BPIFB2: variants seen among roughly 807,000 people sequenced by gnomAD.
BPIFB2 encodes the protein BPI fold containing family B member 2.
BPIFB2 carries 39 observed loss-of-function variants against 50.1 expected under a neutral mutation model. The ratio of observed to expected loss-of-function variants is 0.78; its 90% CI spans 0.60 to 1.02. The LOEUF (loss-of-function observed/expected upper bound fraction) is 1.02, where lower values mean the gene tolerates loss of function less well. Ranked by LOEUF, BPIFB2 falls within the 50% of genes least tolerant of loss-of-function variation. The pLI is 0.00. For missense variants in BPIFB2, 574 were observed against 585.8 expected (o/e 0.98, Z 0.21); for synonymous variants, 280 against 256.3 (o/e 1.09, Z -0.88).
At chr20:33,020,421 A>T (rs568801263) in intron 12 of BPIFB2, 26 bp downstream of exon 12, 1 of 1,612,522 alleles carries the variant, frequency 6.2e-7, no homozygotes, top group East Asian at 2.2e-5. Context: ...TGGACCCAGC[A>T]GCCTCAGTGT....
chr20:33,011,848 G>A (rs760742436), intron 3 of BPIFB2, among the ~76,000 whole-genome samples: 5 of 152,068 alleles, frequency 3.3e-5, no homozygotes, highest in Non-Finnish European at 4.4e-5. Context: ...GAGTGGTGGC[G>A]TGTGCCTGTA....
intron 2 of BPIFB2, 102 bp from the exon 3 acceptor site, chr20:33,010,922 A>G: frequency 9.9e-7 from 1 of 1,012,116 alleles, no homozygotes; most frequent in Non-Finnish European, 1.5e-6. Context: ...TTCCAGTCTG[A>G]GTACCCTCTG....
At chr20:33,011,551 C>G (rs1990288508) in intron 3 of BPIFB2, among the ~76,000 whole-genome samples, 1 of 152,230 alleles carries the variant, frequency 6.6e-6, no homozygotes, top group Non-Finnish European at 1.5e-5. Context: ...GCATCCCAAA[C>G]TTAGACACCC....
Position 33,021,816 on chromosome 20 carries a change from G to A in BPIFB2, c.1335+17G>A, listed in dbSNP as rs1568980173. ...GTCTATGAGGTGAGAGCCTTTGGGT[G>A]TGACCAGAGGGGCCTCCTTCACTCA... On this transcript the variant is annotated intron_variant, in intron 15 of 15. Coordinates refer to ENST00000170150, the MANE Select transcript of BPIFB2 (RefSeq NM_025227.3). 6.2e-7 allele frequency: 1 copy of A among 1,607,870 alleles called. No individual in the cohort carries two copies.
Position 33,019,676 on chromosome 20 carries a change from C to A in BPIFB2, c.1006C>A (p.Arg336=), listed in dbSNP as rs144321606. 360 of 1,612,300 alleles carry A rather than the reference C, an allele frequency of 2.2e-4. No homozygotes were observed. In the Middle Eastern group the frequency reaches 2.5e-3, roughly 11 times the overall value. The change falls in exon 11 of 16, where the codon CGG becomes AGG. Residue 336 remains arginine, a synonymous_variant. Transcript: ENST00000170150. The part of the protein sequence containing the change: ...AMLHTNNATL[R]LQPFVEVLAT... ...GCTCCACACAAACAACGCCACCCTG[C>A]GGCTGCAGCCCTTCGTGGAGGTCCT...
chr20:33,020,257 T>C (rs1326401979), intron 11 of BPIFB2, 71 bp from the exon 12 acceptor site: 11 of 1,451,656 alleles, frequency 7.6e-6, no homozygotes, highest in Non-Finnish European at 1.1e-5. Context: ...GGGGGATGGG[T>C]GGGAGGCTGG....
At chr20:33,018,980 C>T (rs1035643539) in intron 9 of BPIFB2, 82 bp from the exon 10 acceptor site, 7 of 1,593,458 alleles carry the variant, frequency 4.4e-6, no homozygotes, top group African/African-American at 1.3e-5. Context: ...CTATGGGGAG[C>T]GATTGCTCAG....
rs1978515875 is a variant in BPIFB2 at position 33,018,446 on chromosome 20, G to T, written c.669+96G>T. 2.2e-6 allele frequency: 3 copies of T among 1,334,056 alleles called. No homozygotes were observed. The South Asian group carries it at 3.9e-5, about 17-fold the overall frequency. 82.6% of individuals were successfully genotyped at this position (1,334,056 alleles called of 1,614,324 possible). Reference sequence around the variant, plus strand: ...CCTAAAGGAGCGGGGGAGTGGGAAAGGAGAGGAGGAGCTGGAATAGTGTCC... The same window carrying T: ...CCTAAAGGAGCGGGGGAGTGGGAAATGAGAGGAGGAGCTGGAATAGTGTCC... On this transcript the variant is annotated intron_variant, in intron 8 of 15. Transcript: ENST00000170150.
Position 33,010,995 on chromosome 20 carries a change from C to G in BPIFB2, c.110-29C>G, listed in dbSNP as rs773710343. ...GCTACTTGGTGGTTCCCGAGGGCAC[C>G]CTGACCTCACTCTACCCTGGCCCCA... On this transcript the variant is annotated intron_variant, in intron 2 of 15. Transcript: ENST00000170150. The G allele has an allele frequency of 9.4e-6, 15 of 1,599,288 alleles. No homozygotes were observed. The South Asian group carries it at 1.4e-4, about 15-fold the overall frequency.
intron 5 of BPIFB2, among the ~76,000 whole-genome samples, chr20:33,014,294 G>C (rs1990327894): frequency 6.6e-6 from 1 of 152,198 alleles, no homozygotes; most frequent in Non-Finnish European, 1.5e-5. Flanking sequence ...TAGCAGAGAT[G>C]AGGGAAAGGA....
rs111406737 is a variant in BPIFB2, at chr20:33,009,128, G to A, written c.109+445G>A. Among the ~76,000 whole-genome samples the A allele has an allele frequency of 2.2e-3, 336 of 152,312 alleles. 2 individuals are homozygous for A. The highest frequency in any genetic ancestry group is 7.7e-3 in the African/African-American group (321 of 41,554). The stretch of plus-strand genomic sequence containing the variant: ...GGGTGTACACGTTTGCGTATGTGGT[G>A]TGTGCACGCACGTGTGTTCTTGGGA... On this transcript the variant is annotated intron_variant, in intron 2 of 15. Coordinates refer to ENST00000170150, the MANE Select transcript of BPIFB2 (RefSeq NM_025227.3). This position sits in a 1 kb window ranked among gnomAD's most constrained non-coding sequence, Gnocchi z 4.2.
Position 33,023,529 on chromosome 20 carries a change from T to C in BPIFB2, c.*146T>C. On this transcript the variant is annotated 3_prime_UTR_variant, in exon 16 of 16. Transcript: ENST00000170150. ...CTTAGCTGGGCTGTTTTATCTTCCC[T>C]GAGTGCCTGGGTCTCCCTCCCTCAC... 1.1e-6 allele frequency: 1 copy of C among 904,708 alleles called. No homozygotes were observed. Among genetic ancestry groups the C allele is most frequent in the Non-Finnish European group, 1.7e-6 (1 of 572,310 alleles). The allele number at this position is 904,708 out of a possible 1,614,324, so 56.0% of individuals were successfully genotyped here.
In BPIFB2 at chr20:33,021,322, G is replaced by A. The variant is rs770842678; in HGVS notation, c.1236G>A (p.Lys412=). The A allele has an allele frequency of 1.2e-6, 2 of 1,613,770 alleles. No individual in the cohort carries two copies. Among genetic ancestry groups the A allele is most frequent in the Non-Finnish European group, 1.7e-6 (2 of 1,179,916 alleles). Residue 412 remains lysine, a synonymous_variant, in exon 14 of 16, where the codon AAG becomes AAA. Transcript: ENST00000170150. Reference sequence around the variant, plus strand: ...CACTGATGGGCACCGTTTTTGAGAAGCCCCTGCTGGACCATCTCAATGGTA... The same window carrying A: ...CACTGATGGGCACCGTTTTTGAGAAACCCCTGCTGGACCATCTCAATGGTA... The part of the protein sequence containing the change: ...VRTLMGTVFE[K]PLLDHLNALL...
chr20:33,019,591 G>GT lies in BPIFB2; in HGVS notation c.924dup (p.Pro309SerfsTer90). 1 of 1,585,032 alleles carries GT rather than the reference G, an allele frequency of 6.3e-7. No individual in the cohort carries two copies. Among genetic ancestry groups the GT allele is most frequent in the East Asian group, 2.3e-5 (1 of 44,154 alleles). ...CTCTGCCTCCCCAGGTGGCCCGCCAGTTTCCCGAGCCCATGCCTGTGGTGC... is the reference window on the plus strand; with the variant it reads ...CTCTGCCTCCCCAGGTGGCCCGCCAGTTTTCCCGAGCCCATGCCTGTGGTGC... On this transcript the variant is annotated frameshift_variant, in exon 11 of 16. Coordinates refer to ENST00000170150, the MANE Select transcript of BPIFB2 (RefSeq NM_025227.3). LOFTEE classifies it high-confidence loss of function.
chr20:33,011,243 G>A, intron 3 of BPIFB2, 126 bp downstream of exon 3: 1 of 845,436 alleles, frequency 1.2e-6, no homozygotes, highest in Non-Finnish European at 1.9e-6. Context: ...CCTATCCACG[G>A]GGCAAAGTGT....
chr20:33,015,405 C>G (rs1263815711), intron 5 of BPIFB2, 31 bp from the exon 6 acceptor site: 1 of 1,594,924 alleles, frequency 6.3e-7, no homozygotes, highest in South Asian at 1.1e-5. Flanking sequence ...TGTTTGGGAG[C>G]CCAGGAACTC....
intron 2 of BPIFB2, 132 bp downstream of exon 2, chr20:33,008,815 AC>A: frequency 2.8e-6 from 2 of 724,262 alleles, no homozygotes; most frequent in Non-Finnish European, 4.4e-6. Flanking sequence ...TGTCCCTGGC[AC>A]CCAGACAGTG....
At chr20:33,013,361 G>A (rs1449573967) in intron 4 of BPIFB2, among the ~76,000 whole-genome samples, 1 of 152,172 alleles carries the variant, frequency 6.6e-6, no homozygotes, top group African/African-American at 2.4e-5. Context: ...TGCAGTCAGA[G>A]GGGTCTCTTA....
chr20:33,015,580 G>A, intron 6 of BPIFB2, 84 bp downstream of exon 6: 3 of 1,256,252 alleles, frequency 2.4e-6, no homozygotes, highest in Non-Finnish European at 3.3e-6. Context: ...TTTCAGGCAG[G>A]GGGTACTTTG....
Sources: allele counts gnomAD v4.1 joint callset (sites outside exome capture counted in the v4.1 genomes callset), GRCh38; gene constraint gnomAD v4.1.1; non-coding constraint Gnocchi (gnomAD v3.1); transcripts MANE v1.5; gene names NCBI Gene and HGNC (gene_info 2026-07-23, HGNC 2026-07-21).